Variants in AHCTF1 observed in about 807,000 individuals in gnomAD.
The protein encoded by AHCTF1 is protein ELYS.
A neutral mutation model predicts 248.4 loss-of-function variants in AHCTF1; 24 were observed. The observed-to-expected ratio is 0.10, with a 90% CI of 0.07 to 0.14. The LOEUF is 0.14. Ranked by LOEUF, AHCTF1 falls within the 10% of genes least tolerant of loss-of-function variation. The probability of loss-of-function intolerance (pLI) is 1.00; values close to 1 mark genes in which losing one functional copy is unlikely to be tolerated. For synonymous variants in AHCTF1, 786 were observed against 929.8 expected (o/e 0.85, Z 2.81); for missense variants, 2,206 against 2,636.2 (o/e 0.84, Z 3.57).
Position 246,877,321 on chromosome 1 carries a change from A to G in AHCTF1, c.2661-19T>C, listed in dbSNP as rs1417626799. 14 of 1,541,444 alleles carry G rather than the reference A, an allele frequency of 9.1e-6. 1 individual carries two copies. Among genetic ancestry groups the G allele is most frequent in the South Asian group, 3.8e-5 (3 of 79,650 alleles). ...CATACACCTGAAAGCAGTATTTATC[A>G]AAGTTTAGTTTTAGAAAAAGCTATT... On this transcript the variant is annotated intron_variant, in intron 21 of 35. Coordinates refer to ENST00000648844, the MANE Select transcript of AHCTF1 (RefSeq NM_001323342.2).
rs1327195821 is a variant in AHCTF1 at position 246,907,732 on chromosome 1, C to T, written c.583G>A (p.Ala195Thr). The change falls in exon 5 of 36, where the codon GCT (alanine) becomes ACT (threonine). Residue 195 changes from alanine (A) to threonine (T), a missense_variant. This residue lies in a region of AHCTF1 where 650 missense variants were observed against 870.8 expected (regional missense o/e 0.75). Transcript: ENST00000648844. ...CTTTCTCTAATGTGTGGTACTTCAG[C>T]TGGGATACCAGTTAGAACTTCAAGA... ...SDLEVLTGIP[A>T]EVPHIRESVM... 1.2e-6 allele frequency: 2 copies of T among 1,613,626 alleles called. No individual in the cohort carries two copies. The highest frequency in any genetic ancestry group is 2.2e-5 in the East Asian group (1 of 44,832).
At position 246,858,194 on chromosome 1, in the gene AHCTF1, C is replaced by T. The variant is rs1031576274; in HGVS notation, c.4133-380G>A. 3.3e-5 allele frequency among the ~76,000 whole-genome samples: 5 copies of T among 152,004 alleles called. No homozygotes were observed. In the East Asian group the frequency reaches 5.8e-4, roughly 18 times the overall value. ...CAGGATGGTCTCGATCTCCTGACCT[C>T]GTGATCCACCCACCTGGGCCTCCCA... On this transcript the variant is annotated intron_variant, in intron 29 of 35. Coordinates refer to ENST00000648844, the MANE Select transcript of AHCTF1 (RefSeq NM_001323342.2).
intron 16 of AHCTF1, among the ~76,000 whole-genome samples, chr1:246,890,562 G>A (rs1204599835): frequency 6.6e-6 from 1 of 151,752 alleles, no homozygotes; most frequent in East Asian, 1.9e-4. Context: ...GATAAAAGGG[G>A]GTATTTAATT....
At chr1:246,915,128 G>A (rs1366135911) in intron 3 of AHCTF1, among the ~76,000 whole-genome samples, 3 of 152,042 alleles carry the variant, frequency 2.0e-5, no homozygotes, top group Non-Finnish European at 2.9e-5. Context: ...TCAAGAGATC[G>A]AGAGCAGCCT....
intron 24 of AHCTF1, among the ~76,000 whole-genome samples, chr1:246,871,431 C>G (rs1662585091): frequency 6.6e-6 from 1 of 152,218 alleles, no homozygotes; most frequent in Non-Finnish European, 1.5e-5. Context: ...AATACTCAAC[C>G]ACTACTGATA....
intron 4 of AHCTF1, among the ~76,000 whole-genome samples, chr1:246,909,781 C>T (rs370302054): frequency 6.6e-6 from 1 of 152,160 alleles, no homozygotes; most frequent in Non-Finnish European, 1.5e-5. Flanking sequence ...ATGTATCCCT[C>T]GCAGATAAGG....
chr1:246,848,110 C>CT (rs1415162004), intron 33 of AHCTF1, among the ~76,000 whole-genome samples: 1 of 152,036 alleles, frequency 6.6e-6, no homozygotes, highest in African/African-American at 2.4e-5. Context: ...TTCTGAGTGA[C>CT]GAGGGGAGAG....
At chr1:246,854,115 C>T (rs773351685) in intron 31 of AHCTF1, among the ~76,000 whole-genome samples, 10 of 152,038 alleles carry the variant, frequency 6.6e-5, no homozygotes, top group East Asian at 3.9e-4. Context: ...CTGGCTAACA[C>T]GGTGAAACCC....
chr1:246,913,770 A>G (rs954252140), intron 3 of AHCTF1, among the ~76,000 whole-genome samples: 4 of 152,238 alleles, frequency 2.6e-5, no homozygotes, highest in African/African-American at 7.2e-5. Context: ...TTAGAAAGTC[A>G]GTCTAGTTAT....
chr1:246,905,219 G>A (rs1327946579), intron 6 of AHCTF1, among the ~76,000 whole-genome samples: 2 of 152,138 alleles, frequency 1.3e-5, no homozygotes, highest in Non-Finnish European at 2.9e-5. Flanking sequence ...TATGTATCAG[G>A]CCAGTCGTGG....
At chr1:246,919,592 AG>A (rs1666379560) in intron 1 of AHCTF1, among the ~76,000 whole-genome samples, 1 of 151,932 alleles carries the variant, frequency 6.6e-6, no homozygotes, top group Admixed American at 6.6e-5. Context: ...ACACACCTGT[AG>A]TCTCACCTAC....
At position 246,916,369 on chromosome 1, in the gene AHCTF1, A is replaced by T. The variant is rs1193276583; in HGVS notation, c.148T>A (p.Cys50Ser). The T allele has an allele frequency of 5.0e-6, 8 of 1,603,480 alleles. No homozygotes were observed. The highest frequency in any genetic ancestry group is 6.8e-6 in the Non-Finnish European group (8 of 1,176,708). The change falls in exon 3 of 36, where the codon TGT (cysteine) becomes AGT (serine). Residue 50 changes from cysteine to serine, a missense_variant. Cys to Ser is a moderately radical substitution (Grantham distance 112). Coordinates refer to ENST00000648844, the MANE Select transcript of AHCTF1 (RefSeq NM_001323342.2). ...TTTACTACCTCAAGTTGTGGACCAC[A>T]AGCCAAGCAAGCAAGTCCATTTTTC... ...AGKNGLACLA[C>S]GPQLEVVNSI... is the part of the protein sequence containing the mutation.
intron 24 of AHCTF1, among the ~76,000 whole-genome samples, chr1:246,869,011 A>ATT (rs1558231983): frequency 6.6e-6 from 1 of 151,092 alleles, no homozygotes; most frequent in Non-Finnish European, 1.5e-5. Flanking sequence ...TGCCTGGCTA[A>ATT]CTTTTTCTAT....
chr1:246,860,097 T>A (rs1253613469), intron 29 of AHCTF1, among the ~76,000 whole-genome samples: 1 of 151,538 alleles, frequency 6.6e-6, no homozygotes, highest in Non-Finnish European at 1.5e-5. Context: ...CCGTCTCTAC[T>A]AAAAATACAA....
intron 4 of AHCTF1, among the ~76,000 whole-genome samples, chr1:246,912,064 ACT>A (rs1300762369): frequency 6.6e-6 from 1 of 151,932 alleles, no homozygotes; most frequent in Non-Finnish European, 1.5e-5. Flanking sequence ...TTTTTTATAC[ACT>A]GACAATTTTT....
rs879064644 is a variant in AHCTF1, at chr1:246,888,206, C to G, written c.2296G>C (p.Gly766Arg). The change falls in exon 19 of 36, where the codon GGC (glycine) becomes CGC (arginine). Residue 766 changes from glycine to arginine, a missense_variant. Physicochemically the swap from Gly to Arg is moderately radical, Grantham distance 125. Around this residue, in one of 6 missense-constraint regions of AHCTF1, gnomAD observed 650 missense variants for 870.8 expected, o/e 0.75. Coordinates refer to ENST00000648844, the MANE Select transcript of AHCTF1 (RefSeq NM_001323342.2). ...GAGTGTTTGGCTGCTTCAGTAACGC[C>G]GTCTAATAGGTACATATCAAGTACT... Reference protein sequence around the residue: ...HAVLDMYLLDGVTEAAKHSIT... With the variant: ...HAVLDMYLLDRVTEAAKHSIT... The G allele has an allele frequency of 6.2e-7, 1 of 1,613,882 alleles. No individual in the cohort carries two copies. The highest frequency in any genetic ancestry group is 8.5e-7 in the Non-Finnish European group (1 of 1,179,940).
At position 246,851,449 on chromosome 1, in the gene AHCTF1, G is replaced by A. The variant is rs781579285; in HGVS notation, c.4564-7C>T. ...GCTTTTCTTGTTCAATCACCTAAAT[G>A]AATTAAAGATAAGAGACTGGTTAAA... On this transcript the variant is annotated splice_polypyrimidine_tract_variant and splice_region_variant and intron_variant, in intron 32 of 35. Coordinates refer to ENST00000648844, the MANE Select transcript of AHCTF1 (RefSeq NM_001323342.2). 2 of 1,591,774 alleles carry A rather than the reference G, an allele frequency of 1.3e-6. No individual in the cohort carries two copies. Among genetic ancestry groups the A allele is most frequent in the Non-Finnish European group, 1.7e-6 (2 of 1,170,720 alleles).
Position 246,914,369 on chromosome 1 carries a change from A to G in AHCTF1, c.376-957T>C, listed in dbSNP as rs573253691. On this transcript the variant is annotated intron_variant, in intron 3 of 35. Coordinates refer to ENST00000648844, the MANE Select transcript of AHCTF1 (RefSeq NM_001323342.2). ...TTCTGGCAAGAAAAGAAAATATCTGATATCAATGATTCATGTGTTAAAAAG... is the reference window on the plus strand; with the variant it reads ...TTCTGGCAAGAAAAGAAAATATCTGGTATCAATGATTCATGTGTTAAAAAG... Among the ~76,000 whole-genome samples, 65 of 152,314 alleles carry G rather than the reference A, an allele frequency of 4.3e-4. 1 individual carries two copies. In the South Asian group the frequency reaches 0.013, roughly 31 times the overall value.
At position 246,842,755 on chromosome 1, in the gene AHCTF1, C is replaced by G. The variant is rs1054232412; in HGVS notation, c.6547G>C (p.Glu2183Gln). The G allele has an allele frequency of 1.2e-6, 2 of 1,613,592 alleles. No individual in the cohort carries two copies. The highest frequency in any genetic ancestry group is 1.7e-6 in the Non-Finnish European group (2 of 1,179,862). ...DELKDDAQSVETLGKPKAKRI... is the reference protein window; with the variant it reads ...DELKDDAQSVQTLGKPKAKRI... ...TTCGCTTTTGGCTTTCCCAGAGTTTCTACTGATTGTGCATCATCTTTCTAT... is the reference window on the plus strand; with the variant it reads ...TTCGCTTTTGGCTTTCCCAGAGTTTGTACTGATTGTGCATCATCTTTCTAT... The change falls in exon 35 of 36, where the codon GAA (glutamate) becomes CAA (glutamine). Residue 2183 changes from glutamate (E) to glutamine (Q), a missense_variant. Glu to Gln is a conservative substitution (Grantham distance 29, BLOSUM62 2). This residue lies in a region of AHCTF1 where 469 missense variants were observed against 470.0 expected (regional missense o/e 1.00). Transcript: ENST00000648844.
Sources: allele counts gnomAD v4.1 joint callset (sites outside exome capture counted in the v4.1 genomes callset), GRCh38; gene constraint gnomAD v4.1.1; regional missense constraint gnomAD v4.1.1; transcripts MANE v1.5; gene names NCBI Gene and HGNC (gene_info 2026-07-23, HGNC 2026-07-21).